Variants in RPGRIP1L observed in about 807,000 individuals in gnomAD.
The protein encoded by RPGRIP1L is RPGRIP1 like, also known as protein fantom.
RPGRIP1L carries 131 observed loss-of-function variants against 160.4 expected under a neutral mutation model. The ratio of observed to expected loss-of-function variants is 0.82; its 90% confidence interval spans 0.71 to 0.94. The LOEUF is 0.94. RPGRIP1L is among the 40% of genes least tolerant of loss of function. The probability of loss-of-function intolerance (pLI) is 0.00; values close to 1 mark genes in which losing one functional copy is unlikely to be tolerated. For missense variants in RPGRIP1L, 1,522 were observed against 1,535.8 expected (o/e 0.99, Z 0.15); for synonymous variants, 510 against 515.8 (o/e 0.99, Z 0.15).
In RPGRIP1L at chr16:53,645,626, T is replaced by C. The variant is rs141608712; in HGVS notation, c.2682A>G (p.Ser894=). 618 of 1,613,078 alleles carry C rather than the reference T, an allele frequency of 3.8e-4. No homozygotes were observed. Among genetic ancestry groups the C allele is most frequent in the Non-Finnish European group, 4.7e-4 (551 of 1,179,844 alleles). ...ATAGATTCAAAAACATAGGCTTACC[T>C]GAGATACACCTGTCATGTGCCAACG... ...LISLAHDRCI[S]GIFELTDHQK... is the part of the protein sequence containing the mutation. The change falls in exon 17 of 27, where the codon TCA becomes TCG. Residue 894 remains serine, a splice_region_variant and synonymous_variant. Transcript: ENST00000647211.
chr16:53,637,788 C>A lies in RPGRIP1L; in HGVS notation c.3127G>T (p.Asp1043Tyr), dbSNP rs777685428. The A allele has an allele frequency of 1.2e-6, 2 of 1,613,258 alleles. No individual in the cohort carries two copies. The highest frequency in any genetic ancestry group is 2.2e-5 in the South Asian group (2 of 91,076). ...TGACCTTCAGATAGTAAAGACACAT[C>A]ATCTTTTCCTTGCTGCATTTTCTCA... ...NTEKMQQGKD[D>Y]VSLLSEGQLA... Residue 1043 changes from aspartate (D) to tyrosine (Y), a missense_variant, in exon 21 of 27, where the codon GAT (aspartate) becomes TAT (tyrosine). Transcript: ENST00000647211.
chr16:53,622,271 G>A lies in RPGRIP1L; in HGVS notation c.3380C>T (p.Pro1127Leu), dbSNP rs1964778110. 1 of 663,000 alleles carries A rather than the reference G, an allele frequency of 1.5e-6. No homozygotes were observed. The highest frequency in any genetic ancestry group is 1.6e-5 in the South Asian group (1 of 62,162). 41.1% of individuals were successfully genotyped at this position (663,000 alleles called of 1,614,324 possible). A position where few individuals can be genotyped will look rare whatever the true frequency, so the allele number is the denominator to read the frequency against. The change falls in exon 23 of 27, where the codon CCT becomes CTT. Residue 1127 changes from proline (P) to leucine (L), a missense_variant. Transcript: ENST00000647211. ...CCCATCTACTTGGGAGGCTGAGGCAGGAAAATCGCTGGAACCCGGGAGGCG... is the reference window on the plus strand; with the variant it reads ...CCCATCTACTTGGGAGGCTGAGGCAAGAAAATCGCTGGAACCCGGGAGGCG... ...NFRLPGSSDF[P>L]ASASQVDGIT...
intron 10 of RPGRIP1L, among the ~76,000 whole-genome samples, chr16:53,662,705 T>A (rs1967909352): frequency 6.6e-6 from 1 of 152,048 alleles, no homozygotes; most frequent in South Asian, 2.1e-4. Context: ...CATTGTAACA[T>A]TCCCACAAAG....
chr16:53,700,673 T>C lies in RPGRIP1L; in HGVS notation c.51A>G (p.Thr17=), dbSNP rs1172048315. 6.2e-7 allele frequency: 1 copy of C among 1,613,552 alleles called. No individual in the cohort carries two copies. Among genetic ancestry groups the C allele is most frequent in the South Asian group, 1.1e-5 (1 of 90,906 alleles). Residue 17 remains threonine, a synonymous_variant, in exon 2 of 27, where the codon ACA becomes ACG. Transcript: ENST00000647211. ...ETAGDLPVKD[T]GLNLFGMGGL... is the part of the protein sequence containing the mutation. ...CTCCCATTCCAAAGAGGTTTAGACC[T>C]GTATCTTTCACAGGCAAGTCTCCTG...
At chr16:53,648,613 T>TGCGCGCGC (rs113828309) in intron 16 of RPGRIP1L, among the ~76,000 whole-genome samples, 1 of 133,134 alleles carries the variant, frequency 7.5e-6, no homozygotes. Flanking sequence ...CGTACGCGCG[T>TGCGCGCGC]GCGCGCGCGC....
At chr16:53,672,160 G>A (rs898473089) in intron 8 of RPGRIP1L, among the ~76,000 whole-genome samples, 4 of 152,032 alleles carry the variant, frequency 2.6e-5, no homozygotes, top group African/African-American at 9.7e-5. Context: ...AATAAACGGA[G>A]TAATAATTAC....
At chr16:53,637,925 C>G (rs1265354647) in intron 20 of RPGRIP1L, 71 bp from the exon 21 acceptor site, 27 of 1,450,216 alleles carry the variant, frequency 1.9e-5, no homozygotes, top group Non-Finnish European at 2.6e-5. Flanking sequence ...ATTGCTGGAA[C>G]AGTTGAATAA....
chr16:53,604,771 A>G (rs1278495148), intron 26 of RPGRIP1L, among the ~76,000 whole-genome samples: 1 of 152,238 alleles, frequency 6.6e-6, no homozygotes, highest in Non-Finnish European at 1.5e-5. Flanking sequence ...ATCACTCAGA[A>G]TAACATGCTT....
At chr16:53,615,466 ATATATATTT>A (rs1964307131) in intron 24 of RPGRIP1L, among the ~76,000 whole-genome samples, 1 of 66,432 alleles carries the variant, frequency 1.5e-5, no homozygotes, top group African/African-American at 6.4e-5. Flanking sequence ...ATATATATAT[ATATATATTT>A]TTTTTTTTTT....
intron 22 of RPGRIP1L, among the ~76,000 whole-genome samples, chr16:53,624,953 A>C (rs1386455891): frequency 6.6e-6 from 1 of 151,956 alleles, no homozygotes; most frequent in Non-Finnish European, 1.5e-5. Context: ...TTTGGTGGAG[A>C]CAGGGTTTGG....
chr16:53,684,186 A>G (rs539975883), intron 6 of RPGRIP1L, among the ~76,000 whole-genome samples: 391 of 152,242 alleles, frequency 2.6e-3, no homozygotes, highest in Non-Finnish European at 4.1e-3. Flanking sequence ...TCAGTGTGGC[A>G]ATTCCTCAGG....
chr16:53,662,401 C>T (rs1326433858), intron 10 of RPGRIP1L, among the ~76,000 whole-genome samples: 1 of 152,106 alleles, frequency 6.6e-6, no homozygotes, highest in Non-Finnish European at 1.5e-5. Context: ...TTCACACAAT[C>T]TGAAACTAAT....
intron 5 of RPGRIP1L, among the ~76,000 whole-genome samples, chr16:53,686,965 GA>G (rs1309540153): frequency 6.6e-6 from 1 of 152,112 alleles, no homozygotes; most frequent in Non-Finnish European, 1.5e-5. Flanking sequence ...GAGAGGGCAG[GA>G]AATTTGCCAA....
intron 15 of RPGRIP1L, among the ~76,000 whole-genome samples, chr16:53,650,904 G>C (rs756218018): frequency 6.6e-6 from 1 of 151,994 alleles, no homozygotes; most frequent in African/African-American, 2.4e-5. Context: ...CCCAAGGCTT[G>C]GTCCTTGGCT....
At chr16:53,676,208 CAGTT>C (rs1969148213) in intron 6 of RPGRIP1L, among the ~76,000 whole-genome samples, 1 of 152,070 alleles carries the variant, frequency 6.6e-6, no homozygotes, top group Admixed American at 6.6e-5. Context: ...TGGCATTGGA[CAGTT>C]AGTTGTCCTC....
intron 2 of RPGRIP1L, among the ~76,000 whole-genome samples, chr16:53,697,496 C>T (rs539038918): frequency 9.2e-5 from 14 of 152,224 alleles, no homozygotes; most frequent in East Asian, 3.9e-4. Flanking sequence ...CGAGTGCCTG[C>T]GATTGCAGGC....
intron 26 of RPGRIP1L, among the ~76,000 whole-genome samples, chr16:53,604,873 T>A (rs1031599507): frequency 6.6e-5 from 10 of 152,080 alleles, no homozygotes; most frequent in African/African-American, 2.4e-4. Flanking sequence ...GTGGCTTCCA[T>A]AAACAACCCT....
At position 53,665,002 on chromosome 16, in the gene RPGRIP1L, T is replaced by C; in HGVS notation, c.1111A>G (p.Ser371Gly). The C allele has an allele frequency of 1.9e-6, 3 of 1,613,612 alleles. No homozygotes were observed. The highest frequency in any genetic ancestry group is 2.5e-6 in the Non-Finnish European group (3 of 1,179,860). Reference sequence around the variant, plus strand: ...TTCCATTGCTCTTCATGGGCAGCACTGAAGGCACTGCAAAACACACGTGAC... The same window carrying C: ...TTCCATTGCTCTTCATGGGCAGCACCGAAGGCACTGCAAAACACACGTGAC... ...NYDKLYDSAF[S>G]AAHEEQWKLK... Residue 371 changes from serine (S) to glycine (G), a missense_variant, in exon 10 of 27, where the codon AGT (serine) becomes GGT (glycine). Coordinates refer to ENST00000647211, the MANE Select transcript of RPGRIP1L (RefSeq NM_015272.5).
intron 1 of RPGRIP1L, among the ~76,000 whole-genome samples, chr16:53,701,074 T>C (rs1008478898): frequency 6.6e-6 from 1 of 152,194 alleles, no homozygotes; most frequent in South Asian, 2.1e-4. Flanking sequence ...ATTCAAATGG[T>C]TGCTCTATCA....
Sources: gnomAD v4.1 joint callset for allele counts (sites outside exome capture counted in the v4.1 genomes callset) on GRCh38, gnomAD v4.1.1 for gene constraint, MANE v1.5 for transcripts, NCBI Gene and HGNC (gene_info 2026-07-23, HGNC 2026-07-21) for gene names.